Variants in SRFBP1 observed in about 807,000 individuals in gnomAD.
SRFBP1 encodes the protein serum response factor-binding protein 1.
A neutral mutation model predicts 45.5 loss-of-function variants in SRFBP1; 47 were observed. The ratio of observed to expected loss-of-function variants is 1.03; its 90% CI spans 0.82 to 1.32. The LOEUF is 1.32. SRFBP1 is among the 40% of genes most tolerant of loss of function. SRFBP1 has a pLI of 0.00. For missense variants in SRFBP1, 621 were observed against 484.6 expected (o/e 1.28, Z -2.64); for synonymous variants, 203 against 166.3 (o/e 1.22, Z -1.70).
In SRFBP1 at chr5:121,975,316, G is replaced by T. The variant is rs759814819; in HGVS notation, c.127G>T (p.Gly43Cys). ...CATATCGTAATGTATTTTTTGCAGG[G>T]GTACTGAAGATGCACTGTTAAAAAA... is the stretch of plus-strand genomic sequence containing the variant. The part of the protein sequence containing the change: ...RSVGRLKSKK[G>C]TEDALLKNQR... The change falls in exon 3 of 8, where the codon GGT becomes TGT. Residue 43 changes from glycine to cysteine, a missense_variant and splice_region_variant. Coordinates refer to ENST00000339397, the MANE Select transcript of SRFBP1 (RefSeq NM_152546.3). 1 of 1,612,740 alleles carries T rather than the reference G, an allele frequency of 6.2e-7. No homozygotes were observed. Among genetic ancestry groups the T allele is most frequent in the Non-Finnish European group, 8.5e-7 (1 of 1,179,122 alleles).
intron 2 of SRFBP1, among the ~76,000 whole-genome samples, chr5:122,036,950 A>C: frequency 6.7e-6 from 1 of 150,304 alleles, no homozygotes; most frequent in Admixed American, 6.6e-5. Context: ...GCTGGAGTGC[A>C]ATGGCGTGAT....
intron 2 of SRFBP1, among the ~76,000 whole-genome samples, chr5:122,067,421 C>T (rs1426328286): frequency 6.6e-6 from 1 of 152,040 alleles, no homozygotes; most frequent in Non-Finnish European, 1.5e-5. Context: ...ACAGCACATA[C>T]CTATTCAACT....
rs141246329 is a variant in SRFBP1, at chr5:122,023,785, A to G, written c.1105+1378A>G. The stretch of plus-strand genomic sequence containing the variant: ...TCCCAGGCTTGTGATTTCTTTCACT[A>G]TACACCTCCTCAAAAACTCAGTGGA... On this transcript the variant is annotated intron_variant, in intron 7 of 7. Coordinates refer to ENST00000339397, the MANE Select transcript of SRFBP1 (RefSeq NM_152546.3). Among the ~76,000 whole-genome samples the G allele has an allele frequency of 1.0e-3, 158 of 152,262 alleles. 2 individuals are homozygous for G. Among genetic ancestry groups the G allele is most frequent in the African/African-American group, 3.7e-3 (155 of 41,552 alleles).
At chr5:122,035,507 C>T (rs547643690) in intron 2 of SRFBP1, among the ~76,000 whole-genome samples, 1 of 152,214 alleles carries the variant, frequency 6.6e-6, no homozygotes, top group African/African-American at 2.4e-5. Context: ...AATCTTTTTC[C>T]TAGGAGGTGC....
intron 2 of SRFBP1, among the ~76,000 whole-genome samples, chr5:122,041,577 A>G (rs1282247213): frequency 6.6e-6 from 1 of 151,850 alleles, no homozygotes; most frequent in African/African-American, 2.4e-5. Flanking sequence ...CATTTTATTC[A>G]TGTTATAAAT....
At position 121,978,014 on chromosome 5, in the gene SRFBP1, A is replaced by G. The variant is rs566807773; in HGVS notation, c.198+2627A>G. Among the ~76,000 whole-genome samples, 289 of 152,302 alleles carry G rather than the reference A, an allele frequency of 1.9e-3. 2 individuals carry two copies. Among genetic ancestry groups the G allele is most frequent in the Non-Finnish European group, 3.3e-3 (224 of 68,012 alleles). On this transcript the variant is annotated intron_variant, in intron 3 of 7. Coordinates refer to ENST00000339397, the MANE Select transcript of SRFBP1 (RefSeq NM_152546.3). ...CTTTGAAAGTTAGTTAAATTAGCCT[A>G]TCAACACTTATAGATCAGTAAGTTA... is the stretch of plus-strand genomic sequence containing the variant.
intron 2 of SRFBP1, chr5:122,074,182 A>G: frequency 6.2e-7 from 1 of 1,607,160 alleles, no homozygotes; most frequent in Non-Finnish European, 8.5e-7. Context: ...GATGTCCCAC[A>G]AAACAAAAAG....
intron 2 of SRFBP1, among the ~76,000 whole-genome samples, chr5:122,044,740 A>G (rs1008142064): frequency 1.3e-4 from 19 of 151,860 alleles, no homozygotes; most frequent in Admixed American, 9.9e-4. Context: ...TAAATTCCTT[A>G]TAGATTCTGG....
At chr5:122,077,226 T>G, downstream of SRFBP1, 3 of 1,500,718 alleles carry the variant, frequency 2.0e-6, no homozygotes, top group Non-Finnish European at 2.7e-6. The surrounding 1 kb of genome is among the most constrained non-coding windows in gnomAD (Gnocchi z 4.9). Context: ...GGGCTGCCAC[T>G]GCAGGCGCGT....
chr5:122,002,709 A>C (rs1276640500), intron 4 of SRFBP1, among the ~76,000 whole-genome samples: 1 of 152,136 alleles, frequency 6.6e-6, no homozygotes, highest in Non-Finnish European at 1.5e-5. Context: ...TATTGAGAAT[A>C]TTGAGAATTA....
chr5:121,967,188 G>A (rs71592583), intron 1 of SRFBP1, among the ~76,000 whole-genome samples: 1 of 152,118 alleles, frequency 6.6e-6, no homozygotes, highest in Non-Finnish European at 1.5e-5. Flanking sequence ...AAGTGCCAAA[G>A]AACAAAATGA....
intron 2 of SRFBP1, among the ~76,000 whole-genome samples, chr5:122,045,157 A>G (rs1435515488): frequency 1.3e-5 from 2 of 152,146 alleles, no homozygotes; most frequent in African/African-American, 4.8e-5. Flanking sequence ...TGTCAAAGAC[A>G]AGATGGTTGT....
intron 3 of SRFBP1, among the ~76,000 whole-genome samples, chr5:121,994,103 C>T (rs1752669878): frequency 1.3e-5 from 2 of 151,950 alleles, no homozygotes; most frequent in African/African-American, 4.8e-5. Context: ...AGTTGTGTGT[C>T]AGAGTCTTGA....
intron 2 of SRFBP1, among the ~76,000 whole-genome samples, chr5:122,060,162 G>A (rs1390183173): frequency 6.6e-6 from 1 of 152,034 alleles, no homozygotes; most frequent in African/African-American, 2.4e-5. Flanking sequence ...TAGAGAAGAT[G>A]GTGGCATTAG....
chr5:121,977,883 A>G (rs1410875064), intron 3 of SRFBP1, among the ~76,000 whole-genome samples: 4 of 152,192 alleles, frequency 2.6e-5, no homozygotes, highest in African/African-American at 9.7e-5. Context: ...AATTTTATAG[A>G]CTATGGTGTA....
chr5:122,002,684 T>A (rs1410023249), intron 4 of SRFBP1, among the ~76,000 whole-genome samples: 1 of 152,192 alleles, frequency 6.6e-6, no homozygotes, highest in Non-Finnish European at 1.5e-5. Flanking sequence ...TTCAAAGTGT[T>A]GAGAATATTG....
At chr5:122,051,426 C>G (rs1753971478) in intron 2 of SRFBP1, among the ~76,000 whole-genome samples, 1 of 151,766 alleles carries the variant, frequency 6.6e-6, no homozygotes, top group South Asian at 2.1e-4. Flanking sequence ...CTTCATGAGT[C>G]TGGGTGGTCC....
downstream of SRFBP1, chr5:122,078,183 A>C: frequency 2.1e-6 from 1 of 469,854 alleles, no homozygotes; most frequent in South Asian, 6.1e-5. Context: ...CGGACGTGGC[A>C]CCCTTCCCTT....
At chr5:121,985,500 T>TAGGTAATAGA (rs1462663859) in intron 3 of SRFBP1, among the ~76,000 whole-genome samples, 1 of 151,870 alleles carries the variant, frequency 6.6e-6, no homozygotes, top group Non-Finnish European at 1.5e-5. Context: ...TGTGTTTTTT[T>TAGGTAATAGA]AATCTAGGTA....
Sources: gnomAD v4.1 joint callset for allele counts (sites outside exome capture counted in the v4.1 genomes callset) on GRCh38, gnomAD v4.1.1 for gene constraint, Gnocchi (gnomAD v3.1) non-coding constraint, MANE v1.5 for transcripts, NCBI Gene and HGNC (gene_info 2026-07-23, HGNC 2026-07-21) for gene names.